Variants in XIRP2 observed in about 807,000 individuals in gnomAD.
The protein encoded by XIRP2 is xin actin-binding repeat-containing protein 2.
XIRP2 carries 236 observed loss-of-function variants against 277.0 expected under a neutral mutation model. The observed-to-expected ratio is 0.85, with a 90% CI of 0.77 to 0.95. The LOEUF (loss-of-function observed/expected upper bound fraction) is 0.95, where lower values mean the gene tolerates loss of function less well. Ranked by LOEUF, XIRP2 falls within the 40% of genes least tolerant of loss-of-function variation. XIRP2 has a pLI of 0.00. For missense variants in XIRP2, 4,640 were observed against 4,157.5 expected (o/e 1.12, Z -3.19); for synonymous variants, 1,490 against 1,416.5 (o/e 1.05, Z -1.17).
At chr2:167,109,954 T>C (rs944584359) in intron 2 of XIRP2, among the ~76,000 whole-genome samples, 1 of 152,240 alleles carries the variant, frequency 6.6e-6, no homozygotes, top group Non-Finnish European at 1.5e-5. Flanking sequence ...ATGTGCTTGT[T>C]GGCCACATGT....
rs192530118 is a variant in XIRP2 at position 166,938,709 on chromosome 2, A to T, written c.408+34819A>T. 2.1e-3 allele frequency among the ~76,000 whole-genome samples: 323 copies of T among 152,238 alleles called. 3 individuals are homozygous for T. The highest frequency in any genetic ancestry group is 6.9e-3 in the African/African-American group (288 of 41,556). ...TGACAGTGGGGTTTTAAAGTCTCCCATTATTATTGTGTGGGAGTCTAAGTC... is the reference window on the plus strand; with the variant it reads ...TGACAGTGGGGTTTTAAAGTCTCCCTTTATTATTGTGTGGGAGTCTAAGTC... On this transcript the variant is annotated intron_variant, in intron 2 of 10. Transcript: ENST00000409195.
At chr2:166,965,161 C>A (rs566083169) in intron 2 of XIRP2, among the ~76,000 whole-genome samples, 1 of 151,834 alleles carries the variant, frequency 6.6e-6, no homozygotes, top group Non-Finnish European at 1.5e-5. Flanking sequence ...TAATAAGGGG[C>A]AGTTCTAATA....
chr2:167,084,105 A>G (rs1213228427), intron 2 of XIRP2, among the ~76,000 whole-genome samples: 4 of 152,058 alleles, frequency 2.6e-5, no homozygotes, highest in Non-Finnish European at 4.4e-5. Flanking sequence ...ATTATTTTGA[A>G]ATACATCCCA....
chr2:166,922,136 C>T (rs1369245695), intron 2 of XIRP2, among the ~76,000 whole-genome samples: 1 of 152,098 alleles, frequency 6.6e-6, no homozygotes, highest in Non-Finnish European at 1.5e-5. Flanking sequence ...CTTCTTGATT[C>T]CAGTTTCCTT....
chr2:167,112,003 A>G (rs144360118), intron 2 of XIRP2, among the ~76,000 whole-genome samples: 2 of 152,226 alleles, frequency 1.3e-5, no homozygotes, highest in East Asian at 3.9e-4. Context: ...GGGGTCAGTG[A>G]TAACACTGCC....
chr2:167,218,760 T>A (rs994139193), intron 5 of XIRP2, among the ~76,000 whole-genome samples: 3 of 152,184 alleles, frequency 2.0e-5, no homozygotes. Flanking sequence ...CATTGAATAG[T>A]AGAGCCCAGA....
At chr2:167,135,466 T>C (rs966892412) in intron 2 of XIRP2, among the ~76,000 whole-genome samples, 30 of 152,160 alleles carry the variant, frequency 2.0e-4, no homozygotes, top group Non-Finnish European at 7.4e-5. Flanking sequence ...AACTCTATAA[T>C]TGCTAAGGTT....
At position 167,248,403 on chromosome 2, in the gene XIRP2, AT is replaced by A. The variant is rs1559042790; in HGVS notation, c.7014del (p.Phe2338LeufsTer14). 1 of 1,613,610 alleles carries A rather than the reference AT, an allele frequency of 6.2e-7. No individual in the cohort carries two copies. The highest frequency in any genetic ancestry group is 1.3e-5 in the African/African-American group (1 of 74,816). On this transcript the variant is annotated frameshift_variant, in exon 9 of 11. Transcript: ENST00000409195. LOFTEE classifies it high-confidence loss of function. ...TGTCCACAGAGAAGATAAAGGCTGA[AT>A]TTGAAAGTTTTCCAGGCCTCCCTCT... ...SLSTEKIKAEFESFPGLPLPP... is the reference protein window; with the variant it reads ...SLSTEKIKAEXESFPGLPLPP...
rs62197385 is a variant in XIRP2, at chr2:167,105,249, A to T, written c.409-30660A>T. ...CAGTATTCGCATTGATACAGTCAAG[A>T]TACATATTTCCATCACCACATAGAT... On this transcript the variant is annotated intron_variant, in intron 2 of 10. Coordinates refer to ENST00000409195, the MANE Select transcript of XIRP2 (RefSeq NM_152381.6). Among the ~76,000 whole-genome samples, 362 of 152,116 alleles carry T rather than the reference A, an allele frequency of 2.4e-3. 2 individuals carry two copies. Among genetic ancestry groups the T allele is most frequent in the Non-Finnish European group, 4.3e-3 (291 of 67,876 alleles).
rs567019446 is a variant in XIRP2, at chr2:166,909,291, T to C, written c.408+5401T>C. Among the ~76,000 whole-genome samples the C allele has an allele frequency of 4.2e-3, 635 of 152,326 alleles. 4 individuals carry two copies. Among genetic ancestry groups the C allele is most frequent in the African/African-American group, 0.014 (586 of 41,578 alleles). ...TTTGTTTCTGACCTCTTTTATTTCG[T>C]TGAACAGTGATTTGTAGTTCTCCTT... On this transcript the variant is annotated intron_variant, in intron 2 of 10. Transcript: ENST00000409195.
At chr2:167,037,518 G>GGTGT (rs59857626) in intron 2 of XIRP2, among the ~76,000 whole-genome samples, 3,971 of 126,394 alleles carry the variant, frequency 0.031, 64 homozygotes, top group South Asian at 0.095. Context: ...TCATGTGGGG[G>GGTGT]GTGTGTGTGT....
chr2:167,252,104 G>A, intron 9 of XIRP2, 157 bp downstream of exon 9: 1 of 1,188,880 alleles, frequency 8.4e-7, no homozygotes, highest in Non-Finnish European at 1.1e-6. Context: ...CTCTTTATAT[G>A]CTTGCTTTTA....
chr2:167,008,475 A>G (rs1687566312), intron 2 of XIRP2, among the ~76,000 whole-genome samples: 1 of 151,538 alleles, frequency 6.6e-6, no homozygotes, highest in Non-Finnish European at 1.5e-5. Context: ...CCACTCCCCC[A>G]TTTTATATAC....
chr2:166,955,930 A>G (rs1255083694), intron 2 of XIRP2, among the ~76,000 whole-genome samples: 1 of 151,688 alleles, frequency 6.6e-6, no homozygotes, highest in Non-Finnish European at 1.5e-5. Flanking sequence ...TTCACTGGCT[A>G]CATATCTGGA....
intron 2 of XIRP2, among the ~76,000 whole-genome samples, chr2:166,941,588 G>A (rs114278293): frequency 0.042 from 6,409 of 152,192 alleles, 171 homozygotes; most frequent in South Asian, 0.12. Flanking sequence ...TCTTGGAACC[G>A]CCCCTGCCAG....
chr2:167,005,377 G>C (rs1687479298), intron 2 of XIRP2, among the ~76,000 whole-genome samples: 1 of 151,848 alleles, frequency 6.6e-6, no homozygotes, highest in African/African-American at 2.4e-5. Context: ...GTACCAGCTG[G>C]AGGGAACCTT....
chr2:167,157,397 T>G (rs1373837775), intron 3 of XIRP2, among the ~76,000 whole-genome samples: 1 of 152,172 alleles, frequency 6.6e-6, no homozygotes, highest in Non-Finnish European at 1.5e-5. Flanking sequence ...CCTAGTATGT[T>G]CTAGGGATGT....
At chr2:167,193,879 C>CAA (rs767047580) in intron 3 of XIRP2, among the ~76,000 whole-genome samples, 7,792 of 71,624 alleles carry the variant, frequency 0.11, 418 homozygotes, top group African/African-American at 0.16. Flanking sequence ...GACTCTGTCT[C>CAA]AAAAAAAAAA....
intron 2 of XIRP2, among the ~76,000 whole-genome samples, chr2:166,972,370 T>C (rs1486545229): frequency 1.3e-5 from 2 of 152,154 alleles, no homozygotes; most frequent in Admixed American, 1.3e-4. Context: ...AATATCTTCA[T>C]AAGTGTATGA....
Sources: allele counts gnomAD v4.1 joint callset (sites outside exome capture counted in the v4.1 genomes callset), GRCh38; gene constraint gnomAD v4.1.1; transcripts MANE v1.5; gene names NCBI Gene and HGNC (gene_info 2026-07-23, HGNC 2026-07-21).